AUTS2: variants seen among roughly 807,000 people sequenced by gnomAD.
AUTS2 encodes the protein autism susceptibility gene 2 protein.
Under a neutral mutation model 112.4 loss-of-function variants are expected in AUTS2, and 17 were observed. That is an observed-to-expected ratio of 0.15 (90% CI 0.10 to 0.23). The LOEUF (loss-of-function observed/expected upper bound fraction) is 0.23, where lower values mean the gene tolerates loss of function less well. Among genes scored for constraint, AUTS2 ranks in the 10% least tolerant of loss-of-function variants. The pLI, the probability that AUTS2 is intolerant of heterozygous loss-of-function variation, is 1.00. For synonymous variants in AUTS2, 751 were observed against 702.7 expected, an observed-to-expected ratio of 1.07 and a Z score of -1.09; for missense variants, 1,510 against 1,701.6, an observed-to-expected ratio of 0.89 and a Z score of 1.98.
chr7:70,464,961 C>G (rs1382816772), intron 5 of AUTS2, among the ~76,000 whole-genome samples: 1 of 152,156 alleles, frequency 6.6e-6, no homozygotes, highest in Admixed American at 6.5e-5. Flanking sequence ...CTCTGCCTCC[C>G]TCCATCTGGC....
intron 4 of AUTS2, among the ~76,000 whole-genome samples, chr7:70,402,559 G>A (rs1225026048): frequency 6.6e-6 from 1 of 152,232 alleles, no homozygotes; most frequent in East Asian, 1.9e-4. Flanking sequence ...CTCCTGGGTA[G>A]TTGGGCAGGA....
At chr7:69,646,918 C>G (rs1276384960) in intron 1 of AUTS2, among the ~76,000 whole-genome samples, 2 of 152,152 alleles carry the variant, frequency 1.3e-5, no homozygotes, top group Non-Finnish European at 1.5e-5. Flanking sequence ...AACCCCGTCT[C>G]TACTAAAAAA....
chr7:70,490,296 A>G (rs1241901869), intron 5 of AUTS2, among the ~76,000 whole-genome samples: 2 of 152,070 alleles, frequency 1.3e-5, no homozygotes, highest in East Asian at 1.9e-4. Context: ...AAATAATAAA[A>G]AAAAGAACAC....
chr7:69,813,676 G>C (rs935629778), intron 1 of AUTS2, among the ~76,000 whole-genome samples: 1 of 152,162 alleles, frequency 6.6e-6, no homozygotes, highest in African/African-American at 2.4e-5. Flanking sequence ...CTTCCTGCTT[G>C]TGAAATCATG....
chr7:69,608,875 C>T (rs73439011), intron 1 of AUTS2, among the ~76,000 whole-genome samples: 9 of 152,274 alleles, frequency 5.9e-5, no homozygotes, highest in African/African-American at 2.2e-4. Context: ...TCATTTGTTA[C>T]GGTGGTCACT....
At chr7:69,651,188 T>A (rs994957256) in intron 1 of AUTS2, among the ~76,000 whole-genome samples, 2 of 152,154 alleles carry the variant, frequency 1.3e-5, no homozygotes, top group Non-Finnish European at 2.9e-5. Context: ...AGGAACGGGG[T>A]GTGAAACAAA....
intron 5 of AUTS2, among the ~76,000 whole-genome samples, chr7:70,643,618 T>C (rs1354784976): frequency 2.6e-5 from 4 of 152,192 alleles, no homozygotes; most frequent in South Asian, 4.1e-4. Context: ...TTATCTTTCC[T>C]CAACCTCTGT....
intron 5 of AUTS2, among the ~76,000 whole-genome samples, chr7:70,521,056 T>C (rs1198617831): frequency 6.6e-6 from 1 of 152,208 alleles, no homozygotes; most frequent in Non-Finnish European, 1.5e-5. Flanking sequence ...CCATGTCAAC[T>C]ACTTTATCTT....
chr7:70,456,083 A>C (rs1796727487), intron 5 of AUTS2, among the ~76,000 whole-genome samples: 1 of 152,174 alleles, frequency 6.6e-6, no homozygotes, highest in African/African-American at 2.4e-5. Flanking sequence ...GTTTATGCAC[A>C]GGTTATATGT....
intron 4 of AUTS2, among the ~76,000 whole-genome samples, chr7:70,173,853 C>T (rs552156791): frequency 6.6e-6 from 1 of 152,178 alleles, no homozygotes; most frequent in East Asian, 1.9e-4. Context: ...TGTTCTGTTT[C>T]ACCAACCTGC....
intron 4 of AUTS2, among the ~76,000 whole-genome samples, chr7:70,376,705 T>G (rs1793100270): frequency 6.7e-6 from 1 of 150,146 alleles, no homozygotes; most frequent in Non-Finnish European, 1.5e-5. Flanking sequence ...ATTAACCTGT[T>G]CATTTAGTGC....
At chr7:70,696,065 G>T (rs937002238) in intron 5 of AUTS2, among the ~76,000 whole-genome samples, 2 of 152,098 alleles carry the variant, frequency 1.3e-5, no homozygotes, top group African/African-American at 4.8e-5. Flanking sequence ...GTAATAGAAG[G>T]AAATGCAGAC....
chr7:70,675,696 C>G (rs1388987385), intron 5 of AUTS2, among the ~76,000 whole-genome samples: 3 of 152,198 alleles, frequency 2.0e-5, no homozygotes, highest in Admixed American at 2.0e-4. Flanking sequence ...AAAGTCTTCA[C>G]TCATGCATGA....
At chr7:70,270,992 A>G (rs2129608915) in intron 4 of AUTS2, among the ~76,000 whole-genome samples, 1 of 152,228 alleles carries the variant, frequency 6.6e-6, no homozygotes, top group African/African-American at 2.4e-5. Context: ...AGAGGAGATT[A>G]GAATAACATC....
intron 4 of AUTS2, among the ~76,000 whole-genome samples, chr7:70,392,283 G>A (rs891252265): frequency 6.6e-6 from 1 of 152,128 alleles, no homozygotes; most frequent in Non-Finnish European, 1.5e-5. Context: ...AGGAATGAAT[G>A]ACAGCAGAAA....
rs1261693835 is a variant in AUTS2 at position 70,793,455 on chromosome 7, T to C, written c.*2459T>C. The C allele has an allele frequency of 6.6e-6, 1 of 152,188 alleles. No homozygotes were observed. The highest frequency in any genetic ancestry group is 1.9e-4 in the East Asian group (1 of 5,194). The allele number at this position is 152,188 out of a possible 1,614,324, so 9.4% of individuals were successfully genotyped here. The stretch of plus-strand genomic sequence containing the variant: ...TCCTCTAAAATCTGTTTTGTTTTTT[T>C]CCATGATGTTAAAAAAACAAAAAAA... On this transcript the variant is annotated 3_prime_UTR_variant, in exon 19 of 19. Transcript: ENST00000342771.
At chr7:69,658,296 G>A (rs1385417057) in intron 1 of AUTS2, among the ~76,000 whole-genome samples, 1 of 152,194 alleles carries the variant, frequency 6.6e-6, no homozygotes, top group African/African-American at 2.4e-5. Context: ...GGCATATAGT[G>A]TAAATGCTTA....
intron 2 of AUTS2, among the ~76,000 whole-genome samples, chr7:69,965,765 C>T (rs1797612560): frequency 6.6e-6 from 1 of 152,212 alleles, no homozygotes; most frequent in East Asian, 1.9e-4. Flanking sequence ...TTTTCTACCT[C>T]CTCTGTGATC....
chr7:70,511,561 CTTTTTTTTT>C (rs3974587), intron 5 of AUTS2, among the ~76,000 whole-genome samples: 10 of 70,106 alleles, frequency 1.4e-4, no homozygotes, highest in Admixed American at 2.1e-4. Context: ...TTTTCATTTT[CTTTTTTTTT>C]TTTTTTTTTT....
Sources: gnomAD v4.1 joint callset for allele counts (sites outside exome capture counted in the v4.1 genomes callset) on GRCh38, gnomAD v4.1.1 for gene constraint, MANE v1.5 for transcripts, NCBI Gene and HGNC (gene_info 2026-07-23, HGNC 2026-07-21) for gene names.